Variants in CASK observed in about 807,000 individuals in gnomAD.
The protein encoded by CASK is peripheral plasma membrane protein CASK.
Under a neutral mutation model 82.9 loss-of-function variants are expected in CASK, and 4 were observed. The ratio of observed to expected loss-of-function variants is 0.05; its 90% CI spans 0.02 to 0.11. The LOEUF (loss-of-function observed/expected upper bound fraction) is 0.11, where lower values mean the gene tolerates loss of function less well. Among genes scored for constraint, CASK ranks in the 10% least tolerant of loss-of-function variants. CASK has a pLI of 1.00. For synonymous variants in CASK, 259 were observed against 253.5 expected (o/e 1.02, Z -0.20); for missense variants, 358 against 720.9 (o/e 0.50, Z 5.76).
intron 5 of CASK, among the ~76,000 whole-genome samples, chrX:41,738,837 G>A (rs759778327): frequency 2.7e-5 from 3 of 111,544 alleles, no homozygotes; most frequent in Non-Finnish European, 5.6e-5. Flanking sequence ...ACCAGGAACT[G>A]AGAGTTCTCA....
intron 5 of CASK, among the ~76,000 whole-genome samples, chrX:41,684,663 A>G (rs2067413120): frequency 9.1e-6 from 1 of 109,970 alleles, no homozygotes; most frequent in African/African-American, 3.3e-5. Context: ...TGCCTGACTA[A>G]TTTTTTGCAT....
At chrX:41,762,635 C>A (rs2069022883) in intron 3 of CASK, among the ~76,000 whole-genome samples, 1 of 112,079 alleles carries the variant, frequency 8.9e-6, no homozygotes, top group South Asian at 3.7e-4. Flanking sequence ...TGTTCTACTT[C>A]TAGAATTCCT....
At chrX:41,773,619 C>T (rs181682179) in intron 3 of CASK, among the ~76,000 whole-genome samples, 51 of 111,122 alleles carry the variant, frequency 4.6e-4, no homozygotes, top group African/African-American at 1.4e-3. Context: ...TAGGGGATTT[C>T]GTTCCTGTAC....
chrX:41,717,465 T>G (rs1261021236), intron 5 of CASK, among the ~76,000 whole-genome samples: 3 of 111,986 alleles, frequency 2.7e-5, no homozygotes, highest in Non-Finnish European at 3.8e-5. Flanking sequence ...TGGAAAAGTT[T>G]GGGAGTTTAT....
At chrX:41,568,198 C>G (rs2065351481) in intron 16 of CASK, among the ~76,000 whole-genome samples, 1 of 107,941 alleles carries the variant, frequency 9.3e-6, no homozygotes, top group Admixed American at 9.9e-5. Context: ...TGTATCAAAC[C>G]TGCACATTGT....
intron 1 of CASK, among the ~76,000 whole-genome samples, chrX:41,865,370 C>T (rs1361792016): frequency 2.7e-5 from 3 of 111,629 alleles, no homozygotes; most frequent in Non-Finnish European, 5.7e-5. Context: ...CCATTCTTGA[C>T]CCTTTTTTTT....
chrX:41,894,753 TA>T (rs1318483753), intron 1 of CASK, among the ~76,000 whole-genome samples: 2 of 111,045 alleles, frequency 1.8e-5, no homozygotes, highest in African/African-American at 3.3e-5. Flanking sequence ...TATTAATAGA[TA>T]AAAGTGGGGG....
chrX:41,717,552 A>G (rs989284945), intron 5 of CASK, among the ~76,000 whole-genome samples: 2 of 112,200 alleles, frequency 1.8e-5, no homozygotes, highest in South Asian at 7.3e-4. Context: ...TTATATTAAT[A>G]CCTTGAAAGA....
intron 16 of CASK, 148 bp downstream of exon 16, chrX:41,569,520 T>G: frequency 2.3e-6 from 1 of 433,223 alleles, no homozygotes; most frequent in Non-Finnish European, 4.1e-6. Flanking sequence ...GACGGGAGGA[T>G]TGCTTGCACT....
chrX:41,544,616 C>T (rs2064996763), intron 21 of CASK, among the ~76,000 whole-genome samples: 1 of 107,259 alleles, frequency 9.3e-6, no homozygotes, highest in Non-Finnish European at 1.9e-5. Context: ...AGGGGATTTC[C>T]CAACACTTTG....
At chrX:41,766,533 T>C (rs778718163) in intron 3 of CASK, among the ~76,000 whole-genome samples, 43 of 111,751 alleles carry the variant, frequency 3.8e-4, no homozygotes, top group Non-Finnish European at 7.1e-4. Flanking sequence ...TATTCCAACA[T>C]AGTACCCACT....
chrX:41,880,084 C>T (rs768268503), intron 1 of CASK, among the ~76,000 whole-genome samples: 6 of 111,667 alleles, frequency 5.4e-5, no homozygotes, highest in Non-Finnish European at 1.1e-4. Context: ...GGAAGCTGGT[C>T]CTACTTCCTA....
chrX:41,818,229 A>G (rs1355458213), intron 2 of CASK, among the ~76,000 whole-genome samples: 1 of 107,910 alleles, frequency 9.3e-6, no homozygotes, highest in Non-Finnish European at 1.9e-5. Flanking sequence ...TAAAATTCAT[A>G]CGAAAAGGAC....
chrX:41,528,707 A>G (rs896335882), intron 25 of CASK, among the ~76,000 whole-genome samples: 2 of 112,122 alleles, frequency 1.8e-5, no homozygotes, highest in African/African-American at 6.5e-5. Flanking sequence ...TAGAGGGGTC[A>G]TCTAAGAAGC....
At position 41,559,836 on chromosome X, in the gene CASK, C is replaced by T. The variant is rs1175609035; in HGVS notation, c.1680G>A (p.Arg560=). 2 of 1,205,969 alleles carry T rather than the reference C, an allele frequency of 1.7e-6. No individual in the cohort carries two copies. Among genetic ancestry groups the T allele is most frequent in the Non-Finnish European group, 2.2e-6 (2 of 891,572 alleles). Residue 560 remains arginine (R), a synonymous_variant, in exon 18 of 27, where the codon CGG becomes CGA. Transcript: ENST00000378163. ...EQLQKMLREM[R]GSITFKIVPS... ...GCACAATCTTGAAGGTAATACTCCC[C>T]CGCATTTCCCTCTGGAGGGGGGGTG...
intron 2 of CASK, among the ~76,000 whole-genome samples, chrX:41,799,055 C>T (rs2069932076): frequency 8.9e-6 from 1 of 112,101 alleles, no homozygotes; most frequent in Non-Finnish European, 1.9e-5. Context: ...AATGGAAATA[C>T]AAAGTCTTGA....
At chrX:41,796,775 A>G (rs1329325401) in intron 2 of CASK, among the ~76,000 whole-genome samples, 1 of 111,456 alleles carries the variant, frequency 9.0e-6, no homozygotes, top group East Asian at 2.8e-4. Flanking sequence ...AAACCTGTCC[A>G]TTCTATTTCT....
chrX:41,798,975 T>C (rs1342699033), intron 2 of CASK, among the ~76,000 whole-genome samples: 1 of 112,510 alleles, frequency 8.9e-6, no homozygotes, highest in Non-Finnish European at 1.9e-5. Flanking sequence ...ATATTGCTTC[T>C]TAGGTCTACA....
At chrX:41,818,020 T>C (rs1477056221) in intron 2 of CASK, among the ~76,000 whole-genome samples, 2 of 110,471 alleles carry the variant, frequency 1.8e-5, no homozygotes, top group African/African-American at 6.6e-5. Flanking sequence ...AACTGAAACA[T>C]GAATATTGGA....
Sources: gnomAD v4.1 joint callset for allele counts (sites outside exome capture counted in the v4.1 genomes callset) on GRCh38, gnomAD v4.1.1 for gene constraint, MANE v1.5 for transcripts, NCBI Gene and HGNC (gene_info 2026-07-23, HGNC 2026-07-21) for gene names.